The following AFM variants were observed in gnomAD, a reference collection of about 807,000 sequenced individuals.
AFM encodes alpha-Alb.
A neutral mutation model predicts 68.7 loss-of-function variants in AFM; 82 were observed. The ratio of observed to expected loss-of-function variants is 1.19; its 90% CI spans 1.00 to 1.43. The LOEUF (loss-of-function observed/expected upper bound fraction) is 1.43, where lower values mean the gene tolerates loss of function less well. AFM is among the 40% of genes most tolerant of loss of function. The pLI, the probability that AFM is intolerant of heterozygous loss-of-function variation, is 0.00. For synonymous variants in AFM, 250 were observed against 234.2 expected (o/e 1.07, Z -0.61); for missense variants, 772 against 701.8 (o/e 1.10, Z -1.13).
At chr4:73,486,112 ATTAG>A in intron 4 of AFM, 39 bp downstream of exon 4, 1 of 1,530,206 alleles carries the variant, frequency 6.5e-7, no homozygotes, top group Non-Finnish European at 9.0e-7. Context: ...CAGTTGAAGA[ATTAG>A]TCTTAGGCTG....
At chr4:73,484,928 G>A (rs550554327) in intron 3 of AFM, among the ~76,000 whole-genome samples, 111 of 152,262 alleles carry the variant, frequency 7.3e-4, no homozygotes, top group South Asian at 4.1e-4. Context: ...TGTTCTGTGC[G>A]CAGCATTTTC....
At position 73,495,311 on chromosome 4, in the gene AFM, A is replaced by G. The variant is rs146713717; in HGVS notation, c.1070A>G (p.Glu357Gly). ...PDTFFAKFTFEYSRRHPDLSI... is the reference protein window; with the variant it reads ...PDTFFAKFTFGYSRRHPDLSI... Reference sequence around the variant, plus strand: ...TTTACACATTGCAGGTTTACTTTTGAATACTCAAGGAGACATCCAGACCTG... The same window carrying G: ...TTTACACATTGCAGGTTTACTTTTGGATACTCAAGGAGACATCCAGACCTG... Residue 357 changes from glutamate to glycine, a missense_variant, in exon 9 of 15, where the codon GAA (glutamate) becomes GGA (glycine). Transcript: ENST00000226355. 1.7e-4 allele frequency: 261 copies of G among 1,579,670 alleles called. No individual in the cohort carries two copies. Among genetic ancestry groups the G allele is most frequent in the Non-Finnish European group, 2.1e-4 (241 of 1,170,388 alleles).
Position 73,484,404 on chromosome 4 carries a change from TTG to T in AFM, c.270+18_270+19del. ...TCAAAATTACCTGTAAGTAAATTGCTTGTGTTTCTTTTCCTTTTATCTTATGT... is the reference window on the plus strand; with the variant it reads ...TCAAAATTACCTGTAAGTAAATTGCTTGTTTCTTTTCCTTTTATCTTATGT... On this transcript the variant is annotated intron_variant, in intron 3 of 14. Coordinates refer to ENST00000226355, the MANE Select transcript of AFM (RefSeq NM_001133.2). 6.6e-7 allele frequency: 1 copy of T among 1,508,382 alleles called. No homozygotes were observed. The highest frequency in any genetic ancestry group is 1.4e-5 in the South Asian group (1 of 70,922). The allele number at this position is 1,508,382 out of a possible 1,614,324, so 93.4% of individuals were successfully genotyped here.
intron 2 of AFM, 65 bp downstream of exon 2, chr4:73,484,054 C>T (rs1392629105): frequency 1.4e-6 from 2 of 1,425,144 alleles, no homozygotes; most frequent in Non-Finnish European, 1.9e-6. Context: ...AATGTTAATG[C>T]TTCTCAAAAG....
Position 73,499,238 on chromosome 4 carries a change from G to T in AFM, c.1414G>T (p.Asp472Tyr), listed in dbSNP as rs2149346849. 1 of 1,603,656 alleles carries T rather than the reference G, an allele frequency of 6.2e-7. No individual in the cohort carries two copies. Among genetic ancestry groups the T allele is most frequent in the Non-Finnish European group, 8.5e-7 (1 of 1,174,466 alleles). Residue 472 changes from aspartate (D) to tyrosine (Y), a missense_variant, in exon 11 of 15, where the codon GAT (aspartate) becomes TAT (tyrosine). By Grantham distance (160) the Asp-to-Tyr change is radical. Coordinates refer to ENST00000226355, the MANE Select transcript of AFM (RefSeq NM_001133.2). Reference sequence around the variant, plus strand: ...GCTAAGTGAAGAGTTTGCCTGTGTTGATAATTTGGTGAGCATGGCCTGTGT... The same window carrying T: ...GCTAAGTGAAGAGTTTGCCTGTGTTTATAATTTGGTGAGCATGGCCTGTGT... The part of the protein sequence containing the change: ...CTLSEEFACV[D>Y]NLADLVFGEL...
chr4:73,497,608 AT>A, intron 9 of AFM, 43 bp from the exon 10 acceptor site: 1 of 1,345,036 alleles, frequency 7.4e-7, no homozygotes, highest in South Asian at 1.3e-5. Context: ...TTATGGTTAA[AT>A]TTTAGATAAA....
intron 5 of AFM, 48 bp downstream of exon 5, chr4:73,487,147 C>T (rs778043982): frequency 6.3e-7 from 1 of 1,598,282 alleles, no homozygotes; most frequent in Non-Finnish European, 8.6e-7. Context: ...TCACTCAATA[C>T]CACAGATCCA....
rs1013126829 is a variant in AFM at position 73,503,870 on chromosome 4, T to G, written c.*41-6T>G. 1.3e-5 allele frequency: 2 copies of G among 152,104 alleles called. No individual in the cohort carries two copies. Among genetic ancestry groups the G allele is most frequent in the Non-Finnish European group, 2.9e-5 (2 of 68,008 alleles). 9.4% of individuals were successfully genotyped at this position (152,104 alleles called of 1,614,324 possible). A position where few individuals can be genotyped will look rare whatever the true frequency, so the allele number is the denominator to read the frequency against. ...TGATGCATGAAATACTATCTTCTCT[T>G]TCCAGGGAAGGCTTCCTATCTGTGT... On this transcript the variant is annotated splice_polypyrimidine_tract_variant and splice_region_variant and intron_variant, in intron 14 of 14. Coordinates refer to ENST00000226355, the MANE Select transcript of AFM (RefSeq NM_001133.2).
At chr4:73,498,628 A>G (rs1721325684) in intron 10 of AFM, among the ~76,000 whole-genome samples, 1 of 152,238 alleles carries the variant, frequency 6.6e-6, no homozygotes, top group African/African-American at 2.4e-5. Context: ...AAATCAAAAT[A>G]AAACACAGTT....
At chr4:73,485,792 T>C in intron 3 of AFM, 70 bp from the exon 4 acceptor site, 3 of 1,267,104 alleles carry the variant, frequency 2.4e-6, no homozygotes, top group East Asian at 2.4e-5. Context: ...AGTCATTGTG[T>C]TTTCTCAGTG....
At chr4:73,486,939 TTC>T in intron 4 of AFM, 26 bp from the exon 5 acceptor site, 1 of 1,605,106 alleles carries the variant, frequency 6.2e-7, no homozygotes, top group Non-Finnish European at 8.5e-7. Flanking sequence ...CTCACCCGTC[TTC>T]TCTCTTTCAT....
chr4:73,483,234 G>A (rs1186337753), intron 1 of AFM, among the ~76,000 whole-genome samples: 1 of 151,610 alleles, frequency 6.6e-6, no homozygotes, highest in Admixed American at 6.6e-5. Flanking sequence ...TTCTCACCCA[G>A]GATTCATAAA....
Position 73,482,717 on chromosome 4 carries a change from G to C in AFM, c.88+854G>C, listed in dbSNP as rs577794496. ...AAATTTAGATCTTGCTGATTTCTCA[G>C]TGTGACAGTTGCAAAGTCTCCTATG... On this transcript the variant is annotated intron_variant, in intron 1 of 14. Transcript: ENST00000226355. 2.0e-5 allele frequency among the ~76,000 whole-genome samples: 3 copies of C among 152,118 alleles called. No individual in the cohort carries two copies. In the South Asian group the frequency reaches 6.2e-4, roughly 32 times the overall value.
intron 7 of AFM, among the ~76,000 whole-genome samples, chr4:73,490,882 G>C (rs1721051688): frequency 6.6e-6 from 1 of 152,126 alleles, no homozygotes; most frequent in Non-Finnish European, 1.5e-5. Flanking sequence ...TTGAAGATTG[G>C]CTTCCTGGTT....
chr4:73,495,829 G>A (rs1476728313), intron 9 of AFM, among the ~76,000 whole-genome samples: 1 of 152,126 alleles, frequency 6.6e-6, no homozygotes, highest in Non-Finnish European at 1.5e-5. Flanking sequence ...AGTAATGATT[G>A]ATTGTTGTTG....
At chr4:73,485,457 G>A (rs1197156435) in intron 3 of AFM, among the ~76,000 whole-genome samples, 1 of 152,002 alleles carries the variant, frequency 6.6e-6, no homozygotes, top group Non-Finnish European at 1.5e-5. Context: ...AGGACACTTT[G>A]GCTGGAGGAT....
chr4:73,488,699 T>A lies in AFM; in HGVS notation c.783T>A (p.Asp261Glu). 6.2e-7 allele frequency: 1 copy of A among 1,613,200 alleles called. No individual in the cohort carries two copies. Among genetic ancestry groups the A allele is most frequent in the Non-Finnish European group, 8.5e-7 (1 of 1,179,328 alleles). Residue 261 changes from aspartate (D) to glutamate (E), a missense_variant, in exon 7 of 15, where the codon GAT becomes GAA. Coordinates refer to ENST00000226355, the MANE Select transcript of AFM (RefSeq NM_001133.2). ...AGGAGCTTATTTCTCTTGTAGAAGA[T>A]GTTTCTTCCAACTATGATGGATGCT... The part of the protein sequence containing the change: ...EFKELISLVE[D>E]VSSNYDGCCE...
At position 73,487,769 on chromosome 4, in the gene AFM, A is replaced by G; in HGVS notation, c.661A>G (p.Lys221Glu). ...TTTAAAAGCATTTTCTTCTTATCAA[A>G]AACATGTCTGTGGGGCACTTTTGAA... is the stretch of plus-strand genomic sequence containing the variant. ...QYLKAFSSYQ[K>E]HVCGALLKFG... Residue 221 changes from lysine (K) to glutamate (E), a missense_variant, in exon 6 of 15, where the codon AAA (lysine) becomes GAA (glutamate). Physicochemically the swap from Lys to Glu is moderately conservative, Grantham distance 56. Transcript: ENST00000226355. 6.2e-7 allele frequency: 1 copy of G among 1,613,388 alleles called. No individual in the cohort carries two copies. Among genetic ancestry groups the G allele is most frequent in the Non-Finnish European group, 8.5e-7 (1 of 1,179,528 alleles).
intron 4 of AFM, 66 bp from the exon 5 acceptor site, chr4:73,486,901 T>C: frequency 2.0e-6 from 3 of 1,490,894 alleles, no homozygotes; most frequent in Non-Finnish European, 2.7e-6. Context: ...CCTTCCCTTG[T>C]CTACATTCAT....
Sources: gnomAD v4.1 joint callset for allele counts (sites outside exome capture counted in the v4.1 genomes callset) on GRCh38, gnomAD v4.1.1 for gene constraint, MANE v1.5 for transcripts, NCBI Gene and HGNC (gene_info 2026-07-23, HGNC 2026-07-21) for gene names.